SYN3: variants seen among roughly 807,000 people sequenced by gnomAD.
The protein encoded by SYN3 is synapsin-3.
In SYN3, 35 loss-of-function variants were observed where a neutral mutation model predicts 65.8. The observed-to-expected ratio is 0.53, with a 90% CI of 0.41 to 0.70. The LOEUF is 0.70. Among genes scored for constraint, SYN3 ranks in the 30% least tolerant of loss-of-function variants. The pLI, the probability that SYN3 is intolerant of heterozygous loss-of-function variation, is 0.00. For synonymous variants in SYN3, 270 were observed against 292.9 expected (o/e 0.92, Z 0.80); for missense variants, 680 against 749.0 (o/e 0.91, Z 1.08).
At chr22:32,900,881 C>G (rs1021082759) in intron 4 of SYN3, among the ~76,000 whole-genome samples, 23 of 152,226 alleles carry the variant, frequency 1.5e-4, no homozygotes, top group African/African-American at 5.1e-4. Context: ...ATTATTTGAT[C>G]AATATCTGCC....
At chr22:32,748,424 T>A (rs993714467) in intron 6 of SYN3, among the ~76,000 whole-genome samples, 1 of 152,138 alleles carries the variant, frequency 6.6e-6, no homozygotes, top group South Asian at 2.1e-4. Context: ...TGACAACAAC[T>A]GCCTTAGAGA....
intron 6 of SYN3, among the ~76,000 whole-genome samples, chr22:32,737,959 A>G (rs5998607): frequency 0.47 from 72,133 of 151,988 alleles, 17,869 homozygotes; most frequent in African/African-American, 0.64. Flanking sequence ...GGACTGCCTG[A>G]CCCGTATCAG....
chr22:32,857,290 C>T lies in SYN3; in HGVS notation c.711+7625G>A, dbSNP rs1200390768. 3 of 1,614,074 alleles carry T rather than the reference C, an allele frequency of 1.9e-6. No individual in the cohort carries two copies. The highest frequency in any genetic ancestry group is 2.2e-5 in the East Asian group (1 of 44,870). On this transcript the variant is annotated intron_variant, in intron 6 of 13. Coordinates refer to ENST00000358763, the MANE Select transcript of SYN3 (RefSeq NM_003490.4). ...CCAAGATGCCCCATGTGCAGTACAT[C>T]CATACGGAAGCTTCCGAGAGTCTCT...
intron 6 of SYN3, among the ~76,000 whole-genome samples, chr22:32,834,144 T>C (rs866280423): frequency 2.0e-5 from 3 of 151,946 alleles, no homozygotes; most frequent in Admixed American, 6.6e-5. Context: ...CTTCAGGGAC[T>C]ACCTGAGCCC....
intron 6 of SYN3, among the ~76,000 whole-genome samples, chr22:32,703,736 G>A (rs1279329007): frequency 6.6e-6 from 1 of 151,846 alleles, no homozygotes; most frequent in Non-Finnish European, 1.5e-5. Context: ...GTCTTGAGGT[G>A]CTTTTCATAA....
chr22:32,651,217 G>T (rs1352986297), intron 6 of SYN3, among the ~76,000 whole-genome samples: 1 of 152,210 alleles, frequency 6.6e-6, no homozygotes, highest in Non-Finnish European at 1.5e-5. Flanking sequence ...GCTCTTGGTA[G>T]GAGACATTTT....
At chr22:32,675,499 G>A (rs973861139) in intron 6 of SYN3, among the ~76,000 whole-genome samples, 7 of 152,196 alleles carry the variant, frequency 4.6e-5, no homozygotes. Flanking sequence ...GAGAACAGCT[G>A]GCATCTGGTG....
intron 3 of SYN3, among the ~76,000 whole-genome samples, chr22:32,962,684 C>T (rs1056004896): frequency 2.6e-5 from 4 of 152,112 alleles, no homozygotes; most frequent in African/African-American, 9.7e-5. Flanking sequence ...TTCTAAGCTG[C>T]GTTGCTGGGC....
intron 6 of SYN3, among the ~76,000 whole-genome samples, chr22:32,630,281 C>T (rs925185115): frequency 4.6e-5 from 7 of 151,992 alleles, no homozygotes; most frequent in African/African-American, 9.7e-5. Flanking sequence ...CACACCCGGC[C>T]GTATGTATGT....
chr22:32,933,668 G>A (rs1450250787), intron 3 of SYN3, among the ~76,000 whole-genome samples: 1 of 152,058 alleles, frequency 6.6e-6, no homozygotes, highest in Non-Finnish European at 1.5e-5. Context: ...TTGAACTCCT[G>A]ACCTCGTGAT....
intron 7 of SYN3, among the ~76,000 whole-genome samples, chr22:32,551,754 T>C (rs534113173): frequency 2.6e-5 from 4 of 152,206 alleles, no homozygotes; most frequent in Non-Finnish European, 5.9e-5. Flanking sequence ...GTTAGAAATA[T>C]TCACTGAAAT....
chr22:32,858,118 C>T, intron 6 of SYN3: 1 of 1,614,136 alleles, frequency 6.2e-7, no homozygotes, highest in Non-Finnish European at 8.5e-7. Flanking sequence ...CTATCGGTAT[C>T]ACCTGGGTTG....
chr22:32,967,691 G>A (rs1054658338), intron 3 of SYN3, among the ~76,000 whole-genome samples: 3 of 152,224 alleles, frequency 2.0e-5, no homozygotes, highest in African/African-American at 7.2e-5. Flanking sequence ...TTTCTGGGAT[G>A]TTTCATAATA....
At position 32,801,806 on chromosome 22, in the gene SYN3, T is replaced by C; in HGVS notation, c.711+63109A>G. On this transcript the variant is annotated intron_variant, in intron 6 of 13. Transcript: ENST00000358763. This position sits in a 1 kb window ranked among gnomAD's most constrained non-coding sequence, Gnocchi z 4.7. ...CGCCGGGAGGCCGCCCGCCGAGTCC[T>C]GCGCCAGCGCCGAGGCAGCCTCGCT... 3 of 514,430 alleles carry C rather than the reference T, an allele frequency of 5.8e-6. No individual in the cohort carries two copies. The highest frequency in any genetic ancestry group is 8.2e-6 in the Non-Finnish European group (3 of 363,808). The allele number at this position is 514,430 out of a possible 1,614,324, so 31.9% of individuals were successfully genotyped here. A position where few individuals can be genotyped will look rare whatever the true frequency, so the allele number is the denominator to read the frequency against.
At chr22:32,762,582 AC>A (rs1299693864) in intron 6 of SYN3, among the ~76,000 whole-genome samples, 1 of 152,078 alleles carries the variant, frequency 6.6e-6, no homozygotes, top group Non-Finnish European at 1.5e-5. Context: ...AAGCCATGAG[AC>A]CTTGGGGAGG....
intron 6 of SYN3, among the ~76,000 whole-genome samples, chr22:32,669,990 C>T (rs959113023): frequency 2.6e-5 from 4 of 152,186 alleles, no homozygotes; most frequent in Admixed American, 2.6e-4. Flanking sequence ...GAGCTTGACT[C>T]CCTGAGGTCT....
intron 3 of SYN3, among the ~76,000 whole-genome samples, chr22:32,961,109 C>T (rs932905282): frequency 1.3e-5 from 2 of 152,142 alleles, no homozygotes; most frequent in African/African-American, 4.8e-5. Context: ...TTGCGGAAGA[C>T]TGTTTTGTGT....
At chr22:32,668,682 G>GC (rs1218068665) in intron 6 of SYN3, among the ~76,000 whole-genome samples, 4 of 152,174 alleles carry the variant, frequency 2.6e-5, no homozygotes, top group African/African-American at 9.7e-5. Flanking sequence ...AATTAGGGCT[G>GC]CCCAAATGTA....
chr22:32,771,457 G>C (rs1043278352), intron 6 of SYN3, among the ~76,000 whole-genome samples: 1 of 152,196 alleles, frequency 6.6e-6, no homozygotes, highest in African/African-American at 2.4e-5. Flanking sequence ...CCCTGCCCAG[G>C]CTGGTGGAAA....
Sources: allele counts gnomAD v4.1 joint callset (sites outside exome capture counted in the v4.1 genomes callset), GRCh38; gene constraint gnomAD v4.1.1; non-coding constraint Gnocchi (gnomAD v3.1); transcripts MANE v1.5; gene names NCBI Gene and HGNC (gene_info 2026-07-23, HGNC 2026-07-21).